The following CSMD1 variants were observed in gnomAD, a reference collection of about 807,000 sequenced individuals.
CSMD1 encodes CUB and sushi domain-containing protein 1.
A neutral mutation model predicts 417.5 loss-of-function variants in CSMD1; 213 were observed. The ratio of observed to expected loss-of-function variants is 0.51; its 90% CI spans 0.46 to 0.57. The LOEUF (loss-of-function observed/expected upper bound fraction) is 0.57, where lower values mean the gene tolerates loss of function less well. Among genes scored for constraint, CSMD1 ranks in the 20% least tolerant of loss-of-function variants. CSMD1 has a pLI of 0.00. For missense variants in CSMD1, 6,923 were observed against 4,529.7 expected, an observed-to-expected ratio of 1.53 and a Z score of -15.17; for synonymous variants, 2,862 against 1,736.8, an observed-to-expected ratio of 1.65 and a Z score of -16.11.
chr8:4,114,758 A>T (rs773623782), intron 3 of CSMD1, among the ~76,000 whole-genome samples: 1 of 152,216 alleles, frequency 6.6e-6, no homozygotes, highest in African/African-American at 2.4e-5. Context: ...TTGAGTTTCA[A>T]GAATATAATA....
At chr8:4,981,865 A>AC (rs1810907695) in intron 1 of CSMD1, among the ~76,000 whole-genome samples, 1 of 152,026 alleles carries the variant, frequency 6.6e-6, no homozygotes, top group Non-Finnish European at 1.5e-5. Flanking sequence ...TGTAGCACTC[A>AC]ACTGTGGAGT....
At chr8:3,298,828 C>T (rs1238225543) in intron 25 of CSMD1, among the ~76,000 whole-genome samples, 2 of 152,152 alleles carry the variant, frequency 1.3e-5, no homozygotes, top group Non-Finnish European at 2.9e-5. Context: ...GGAGAAGAGA[C>T]AATTTGAATA....
intron 58 of CSMD1, 106 bp downstream of exon 58, chr8:2,966,464 T>A (rs977677338): frequency 6.0e-6 from 6 of 1,001,592 alleles, no homozygotes; most frequent in Middle Eastern, 2.2e-4. Flanking sequence ...TTTTCCTCTA[T>A]GAATTAAAAA....
At chr8:4,516,955 C>T (rs1210308475) in intron 2 of CSMD1, among the ~76,000 whole-genome samples, 1 of 152,010 alleles carries the variant, frequency 6.6e-6, no homozygotes, top group Non-Finnish European at 1.5e-5. Flanking sequence ...TGTGCTATTA[C>T]TTTTCACTAT....
chr8:4,810,636 A>G (rs917009742), intron 1 of CSMD1, among the ~76,000 whole-genome samples: 1 of 152,228 alleles, frequency 6.6e-6, no homozygotes, highest in African/African-American at 2.4e-5. Context: ...TATGCAGATA[A>G]TATGATTTTG....
intron 1 of CSMD1, among the ~76,000 whole-genome samples, chr8:4,829,166 C>T (rs1183704880): frequency 6.6e-6 from 1 of 152,162 alleles, no homozygotes; most frequent in Non-Finnish European, 1.5e-5. Context: ...TGCAATTCCA[C>T]AGCCAATGTA....
intron 3 of CSMD1, among the ~76,000 whole-genome samples, chr8:4,193,813 G>A (rs182341564): frequency 2.0e-5 from 3 of 152,096 alleles, no homozygotes; most frequent in Admixed American, 1.3e-4. Flanking sequence ...GGCGAGAAGA[G>A]CAGGAAAACA....
intron 12 of CSMD1, among the ~76,000 whole-genome samples, chr8:3,425,184 C>G (rs965632038): frequency 3.3e-5 from 5 of 152,146 alleles, no homozygotes; most frequent in Admixed American, 2.0e-4. Flanking sequence ...TAAACTTTAT[C>G]AGGAGTATGT....
At chr8:4,282,072 T>G (rs1313679042) in intron 3 of CSMD1, among the ~76,000 whole-genome samples, 1 of 152,214 alleles carries the variant, frequency 6.6e-6, no homozygotes, top group African/African-American at 2.4e-5. Flanking sequence ...CATTGTAGCA[T>G]CCAAGGGAAA....
intron 3 of CSMD1, among the ~76,000 whole-genome samples, chr8:4,269,150 G>C (rs576435558): frequency 5.9e-5 from 9 of 152,100 alleles, no homozygotes; most frequent in East Asian, 1.9e-4. Flanking sequence ...TCTGTCTCCT[G>C]GGTTTAAACC....
At chr8:4,756,882 A>T (rs1470156185) in intron 1 of CSMD1, among the ~76,000 whole-genome samples, 1 of 152,254 alleles carries the variant, frequency 6.6e-6, no homozygotes, top group African/African-American at 2.4e-5. Flanking sequence ...ACCTGAAAGC[A>T]AACTTGGCAG....
At chr8:4,456,392 T>C (rs937191597) in intron 2 of CSMD1, among the ~76,000 whole-genome samples, 11 of 152,192 alleles carry the variant, frequency 7.2e-5, no homozygotes, top group African/African-American at 2.7e-4. Flanking sequence ...TAGCTAGGTA[T>C]CAAAGACAAG....
At chr8:3,658,008 G>A (rs1032037933) in intron 7 of CSMD1, among the ~76,000 whole-genome samples, 1 of 152,098 alleles carries the variant, frequency 6.6e-6, no homozygotes, top group Non-Finnish European at 1.5e-5. Context: ...TTGGGATTTG[G>A]AGAAGGAAAA....
At chr8:3,862,274 C>G (rs570676338) in intron 5 of CSMD1, among the ~76,000 whole-genome samples, 87 of 152,294 alleles carry the variant, frequency 5.7e-4, no homozygotes, top group Admixed American at 1.3e-3. Context: ...TGATAACTTA[C>G]CATTACCTCT....
At chr8:4,254,897 C>T (rs1045418577) in intron 3 of CSMD1, among the ~76,000 whole-genome samples, 3 of 152,190 alleles carry the variant, frequency 2.0e-5, no homozygotes, top group Admixed American at 6.5e-5. Flanking sequence ...TGAAATTTCC[C>T]GATGAGGCAT....
intron 5 of CSMD1, among the ~76,000 whole-genome samples, chr8:3,952,916 G>A (rs190396493): frequency 6.6e-6 from 1 of 152,066 alleles, no homozygotes; most frequent in African/African-American, 2.4e-5. Flanking sequence ...TGTATTGAGT[G>A]CAATTTATGT....
chr8:4,151,527 T>C (rs1266805401), intron 3 of CSMD1, among the ~76,000 whole-genome samples: 1 of 152,238 alleles, frequency 6.6e-6, no homozygotes, highest in East Asian at 1.9e-4. Flanking sequence ...GTAGTGAAAC[T>C]TTATCATAGA....
intron 3 of CSMD1, among the ~76,000 whole-genome samples, chr8:4,180,143 C>G (rs184540297): frequency 4.6e-5 from 7 of 152,204 alleles, no homozygotes; most frequent in Non-Finnish European, 7.4e-5. Context: ...TTTACTGCGG[C>G]ACTATTCACG....
At chr8:4,398,739 T>C (rs1005855031) in intron 3 of CSMD1, among the ~76,000 whole-genome samples, 32 of 152,300 alleles carry the variant, frequency 2.1e-4, no homozygotes, top group Non-Finnish European at 3.8e-4. Context: ...TGCTAACAGA[T>C]TTATCAATTA....
Sources: gnomAD v4.1 joint callset for allele counts (sites outside exome capture counted in the v4.1 genomes callset) on GRCh38, gnomAD v4.1.1 for gene constraint, MANE v1.5 for transcripts, NCBI Gene and HGNC (gene_info 2026-07-23, HGNC 2026-07-21) for gene names.